Variants in TAFA2 observed in about 807,000 individuals in gnomAD.
TAFA2 encodes the protein chemokine-like protein TAFA-2.
Under a neutral mutation model 18.8 loss-of-function variants are expected in TAFA2, and 7 were observed. That is an observed-to-expected ratio of 0.37 (90% CI 0.21 to 0.70). The LOEUF is 0.70. Among genes scored for constraint, TAFA2 ranks in the 30% least tolerant of loss-of-function variants. The pLI is 0.53. For synonymous variants in TAFA2, 60 were observed against 54.2 expected, an observed-to-expected ratio of 1.11 and a Z score of -0.47; for missense variants, 122 against 158.1, an observed-to-expected ratio of 0.77 and a Z score of 1.23.
At chr12:62,033,384 A>G (rs1324064208) in intron 1 of TAFA2, among the ~76,000 whole-genome samples, 9 of 152,190 alleles carry the variant, frequency 5.9e-5, no homozygotes, top group Admixed American at 5.9e-4. Flanking sequence ...ACTGACACAG[A>G]CTACATCGGC....
chr12:62,026,305 C>A (rs1269201286), intron 1 of TAFA2, among the ~76,000 whole-genome samples: 1 of 152,092 alleles, frequency 6.6e-6, no homozygotes, highest in Non-Finnish European at 1.5e-5. Flanking sequence ...GTAAAGAAGA[C>A]AGAAAGAAAA....
chr12:62,110,324 A>G (rs578060227), intron 1 of TAFA2, among the ~76,000 whole-genome samples: 1 of 152,310 alleles, frequency 6.6e-6, no homozygotes, highest in South Asian at 2.1e-4. Flanking sequence ...CCCAGAGATG[A>G]AGCCGACTTG....
intron 1 of TAFA2, among the ~76,000 whole-genome samples, chr12:62,038,978 C>T (rs765756940): frequency 6.6e-6 from 1 of 152,162 alleles, no homozygotes; most frequent in Non-Finnish European, 1.5e-5. Context: ...TAGCTCATTA[C>T]TGCATTGCTC....
chr12:61,714,874 A>G (rs1343409797), intron 4 of TAFA2, among the ~76,000 whole-genome samples: 1 of 152,232 alleles, frequency 6.6e-6, no homozygotes, highest in Non-Finnish European at 1.5e-5. Flanking sequence ...AGGAGGTAAC[A>G]TATTATGGTG....
intron 4 of TAFA2, among the ~76,000 whole-genome samples, chr12:61,750,692 C>T (rs934721536): frequency 3.3e-5 from 5 of 152,122 alleles, no homozygotes; most frequent in African/African-American, 9.7e-5. Context: ...TTCTGGCTGA[C>T]TGCTATTTAT....
At chr12:62,105,318 A>G (rs1056082375) in intron 1 of TAFA2, among the ~76,000 whole-genome samples, 1 of 152,190 alleles carries the variant, frequency 6.6e-6, no homozygotes, top group Non-Finnish European at 1.5e-5. Context: ...TTGATAATGT[A>G]TTTCACCAGG....
intron 4 of TAFA2, among the ~76,000 whole-genome samples, chr12:61,745,184 T>C (rs1204780819): frequency 6.6e-6 from 1 of 152,136 alleles, no homozygotes; most frequent in Non-Finnish European, 1.5e-5. Flanking sequence ...TTAAACGACC[T>C]AAATTTAGTA....
chr12:62,229,985 C>T (rs1331597223), intron 1 of TAFA2, among the ~76,000 whole-genome samples: 1 of 151,830 alleles, frequency 6.6e-6, no homozygotes, highest in Non-Finnish European at 1.5e-5. Flanking sequence ...TAAATTTTTC[C>T]ATTCCTTCAA....
At chr12:61,925,462 T>C (rs1167080972) in intron 1 of TAFA2, among the ~76,000 whole-genome samples, 1 of 152,200 alleles carries the variant, frequency 6.6e-6, no homozygotes, top group Non-Finnish European at 1.5e-5. Context: ...ACTTGGAAAC[T>C]GAACAACCTA....
intron 1 of TAFA2, among the ~76,000 whole-genome samples, chr12:62,087,551 G>T (rs1021005714): frequency 2.6e-5 from 4 of 152,066 alleles, no homozygotes. Context: ...CTTGAAGCAG[G>T]GATGAGCTCT....
At chr12:62,084,454 G>A (rs1374400479) in intron 1 of TAFA2, among the ~76,000 whole-genome samples, 1 of 152,140 alleles carries the variant, frequency 6.6e-6, no homozygotes, top group Non-Finnish European at 1.5e-5. Flanking sequence ...GGGTCTCTTG[G>A]CATATTTACT....
At chr12:61,891,429 C>A (rs979714282) in intron 1 of TAFA2, among the ~76,000 whole-genome samples, 1 of 152,084 alleles carries the variant, frequency 6.6e-6, no homozygotes, top group Admixed American at 6.6e-5. Context: ...GGCGGATCCC[C>A]TGAAGTCAGG....
At chr12:62,081,144 G>C (rs184263762) in intron 1 of TAFA2, among the ~76,000 whole-genome samples, 1 of 152,096 alleles carries the variant, frequency 6.6e-6, no homozygotes, top group African/African-American at 2.4e-5. Flanking sequence ...GCAGTGAACC[G>C]AGATCGCGCC....
At chr12:62,046,806 C>T (rs1881920670) in intron 1 of TAFA2, among the ~76,000 whole-genome samples, 1 of 152,010 alleles carries the variant, frequency 6.6e-6, no homozygotes, top group Admixed American at 6.6e-5. Context: ...CTTCTCTGTT[C>T]ATTAGGGGAT....
chr12:62,189,940 T>TGTGTGTGTGTG (rs2062610988), intron 1 of TAFA2, among the ~76,000 whole-genome samples: 1 of 141,926 alleles, frequency 7.0e-6, no homozygotes, highest in African/African-American at 2.7e-5. Context: ...TGAGTTTGCT[T>TGTGTGTGTGTG]TGTGTGTGTG....
At chr12:62,046,328 A>C (rs1881907603) in intron 1 of TAFA2, among the ~76,000 whole-genome samples, 1 of 152,146 alleles carries the variant, frequency 6.6e-6, no homozygotes, top group Admixed American at 6.6e-5. Flanking sequence ...AACAAAGATT[A>C]AAGGAAAAAA....
At chr12:61,965,111 T>G (rs1335084224) in intron 1 of TAFA2, among the ~76,000 whole-genome samples, 5 of 151,876 alleles carry the variant, frequency 3.3e-5, no homozygotes, top group Non-Finnish European at 7.4e-5. Flanking sequence ...TTGTGACTCC[T>G]TAGAAATTTA....
intron 1 of TAFA2, among the ~76,000 whole-genome samples, chr12:62,041,015 G>C (rs1881742788): frequency 6.6e-6 from 1 of 152,106 alleles, no homozygotes; most frequent in South Asian, 2.1e-4. Flanking sequence ...ACACTTATAT[G>C]TCTAACAAGA....
At chr12:62,057,642 T>C (rs1053987397) in intron 1 of TAFA2, among the ~76,000 whole-genome samples, 1 of 152,302 alleles carries the variant, frequency 6.6e-6, no homozygotes, top group Admixed American at 6.5e-5. Flanking sequence ...GAGTTCCTTT[T>C]CTGTGAAATT....
Sources: gnomAD v4.1 joint callset for allele counts (sites outside exome capture counted in the v4.1 genomes callset) on GRCh38, gnomAD v4.1.1 for gene constraint, MANE v1.5 for transcripts, NCBI Gene and HGNC (gene_info 2026-07-23, HGNC 2026-07-21) for gene names.